Variants in ADAMTS17 observed in about 807,000 individuals in gnomAD.
ADAMTS17 encodes A disintegrin and metalloproteinase with thrombospondin motifs 17.
A neutral mutation model predicts 141.5 loss-of-function variants in ADAMTS17; 113 were observed. The ratio of observed to expected loss-of-function variants is 0.80; its 90% CI spans 0.69 to 0.93. ADAMTS17 has a LOEUF of 0.93. Ranked by LOEUF, ADAMTS17 falls within the 40% of genes least tolerant of loss-of-function variation. The pLI is 0.00. For synonymous variants in ADAMTS17, 768 were observed against 630.6 expected (o/e 1.22, Z -3.27); for missense variants, 1,659 against 1,517.9 (o/e 1.09, Z -1.54).
intron 10 of ADAMTS17, among the ~76,000 whole-genome samples, chr15:100,143,490 T>C (rs1379663428): frequency 6.6e-6 from 1 of 152,248 alleles, no homozygotes; most frequent in African/African-American, 2.4e-5. Context: ...TAACTTTATG[T>C]TTGGACTTTC....
In ADAMTS17 at chr15:100,259,779, T is replaced by C. The variant is rs186218812; in HGVS notation, c.1031+1700A>G. 3.2e-4 allele frequency among the ~76,000 whole-genome samples: 48 copies of C among 152,334 alleles called. No homozygotes were observed. In the East Asian group the frequency reaches 4.6e-3, roughly 15 times the overall value. On this transcript the variant is annotated intron_variant, in intron 6 of 21. Transcript: ENST00000268070. ...CTCAGGGCTGGCAATCGACGAACCA[T>C]CCACAAGAGTGAGCAGGCATCCATT...
At chr15:100,197,582 G>C (rs561431800) in intron 8 of ADAMTS17, among the ~76,000 whole-genome samples, 1 of 152,294 alleles carries the variant, frequency 6.6e-6, no homozygotes, top group South Asian at 2.1e-4. Flanking sequence ...ATTGTCGCCA[G>C]TATTTTTAAA....
chr15:100,103,275 C>T (rs140114758), intron 14 of ADAMTS17, among the ~76,000 whole-genome samples: 7 of 152,306 alleles, frequency 4.6e-5, no homozygotes, highest in Admixed American at 2.6e-4. Flanking sequence ...GCTGCAGGGT[C>T]ACGGTGCAGG....
intron 15 of ADAMTS17, among the ~76,000 whole-genome samples, chr15:100,083,653 T>C (rs896543581): frequency 1.3e-5 from 2 of 151,632 alleles, no homozygotes; most frequent in African/African-American, 4.9e-5. Context: ...TCCTGCAGGA[T>C]GTTTGGAGAG....
intron 18 of ADAMTS17, among the ~76,000 whole-genome samples, chr15:100,032,441 A>G (rs1353412059): frequency 6.6e-6 from 1 of 152,118 alleles, no homozygotes; most frequent in Non-Finnish European, 1.5e-5. Context: ...AAGCCAGAAA[A>G]CCAACTAACT....
At chr15:100,254,246 T>C in intron 6 of ADAMTS17, 67 bp from the exon 7 acceptor site, 1 of 1,401,858 alleles carries the variant, frequency 7.1e-7, no homozygotes, top group African/African-American at 1.4e-5. Context: ...GAAAACACTG[T>C]GAATTAACCT....
intron 6 of ADAMTS17, 123 bp from the exon 7 acceptor site, chr15:100,254,302 C>G: frequency 1.1e-6 from 1 of 881,022 alleles, no homozygotes; most frequent in Admixed American, 2.1e-5. Context: ...ACACAGGCCA[C>G]AGCGAATGAT....
At chr15:100,163,861 A>G (rs1366327465) in intron 8 of ADAMTS17, among the ~76,000 whole-genome samples, 1 of 152,158 alleles carries the variant, frequency 6.6e-6, no homozygotes, top group African/African-American at 2.4e-5. Flanking sequence ...GGCCACTACC[A>G]CTTTGTCTGA....
chr15:100,155,462 C>T, intron 8 of ADAMTS17, 142 bp from the exon 9 acceptor site: 1 of 1,148,456 alleles, frequency 8.7e-7, no homozygotes, highest in African/African-American at 1.5e-5. Flanking sequence ...ACACAGCAGA[C>T]CCACAGTCAT....
chr15:100,327,011 C>T (rs1382883104), intron 3 of ADAMTS17, among the ~76,000 whole-genome samples: 1 of 152,204 alleles, frequency 6.6e-6, no homozygotes, highest in African/African-American at 2.4e-5. Flanking sequence ...TCATTTCTGT[C>T]ATTTCCAACC....
chr15:99,973,789 A>T lies in ADAMTS17; in HGVS notation c.*613T>A, dbSNP rs1404108181. 5.4e-6 allele frequency: 1 copy of T among 183,920 alleles called. No homozygotes were observed. Among genetic ancestry groups the T allele is most frequent in the East Asian group, 1.4e-4 (1 of 7,126 alleles). 11.4% of individuals were successfully genotyped at this position (183,920 alleles called of 1,614,324 possible). A position where few individuals can be genotyped will look rare whatever the true frequency, so the allele number is the denominator to read the frequency against. ...GCTGGCATATATAGATTTACACTCC[A>T]CGCACGAGACTTCCAAGGCAACACC... On this transcript the variant is annotated 3_prime_UTR_variant, in exon 22 of 22. Transcript: ENST00000268070.
At chr15:100,063,668 TTG>T (rs759606749) in intron 15 of ADAMTS17, 1 of 1,289,818 alleles carries the variant, frequency 7.8e-7, no homozygotes, top group South Asian at 1.2e-5. Context: ...GTCAAGTCAT[TTG>T]TGTTTTACCC....
chr15:100,013,607 T>C (rs4965270), intron 18 of ADAMTS17, among the ~76,000 whole-genome samples: 1 of 152,228 alleles, frequency 6.6e-6, no homozygotes, highest in African/African-American at 2.4e-5. Context: ...ATGCGGGATT[T>C]TGTCAAATGC....
At chr15:100,155,421 CA>C (rs1348010060) in intron 8 of ADAMTS17, 101 bp from the exon 9 acceptor site, 2 of 1,501,890 alleles carry the variant, frequency 1.3e-6, no homozygotes, top group Admixed American at 3.9e-5. Context: ...GTCTTAAAAA[CA>C]AAAACGGACG....
chr15:100,251,169 T>C (rs946798721), intron 7 of ADAMTS17, among the ~76,000 whole-genome samples: 2 of 152,170 alleles, frequency 1.3e-5, no homozygotes, highest in South Asian at 4.1e-4. Flanking sequence ...GATCAGGAGA[T>C]AGGCTGGTTC....
chr15:100,015,007 G>C (rs1369482823), intron 18 of ADAMTS17, among the ~76,000 whole-genome samples: 1 of 152,060 alleles, frequency 6.6e-6, no homozygotes, highest in Admixed American at 6.5e-5. Context: ...TCATTTCTTA[G>C]GTCTATTAGT....
chr15:100,207,632 T>C (rs537324869), intron 7 of ADAMTS17, among the ~76,000 whole-genome samples: 38 of 152,262 alleles, frequency 2.5e-4, no homozygotes, highest in Middle Eastern at 3.4e-3. Context: ...ACAAAAACGC[T>C]TGGTAGAGAA....
intron 7 of ADAMTS17, among the ~76,000 whole-genome samples, chr15:100,228,134 T>G (rs1475039992): frequency 6.6e-6 from 1 of 152,166 alleles, no homozygotes; most frequent in Non-Finnish European, 1.5e-5. Context: ...CTTCAAGGCT[T>G]TCAGAAGGGG....
rs147419565 is a variant in ADAMTS17 at position 100,034,332 on chromosome 15, C to T, written c.2591+14525G>A. Among the ~76,000 whole-genome samples the T allele has an allele frequency of 2.2e-3, 337 of 152,380 alleles. 1 individual carries two copies. Among genetic ancestry groups the T allele is most frequent in the African/African-American group, 7.7e-3 (320 of 41,594 alleles). ...AGCACTTCCCTACCTGACATGCCCA[C>T]GGAATCCCCTTTCCCTCTAATCTTG... On this transcript the variant is annotated intron_variant, in intron 18 of 21. Transcript: ENST00000268070.
Sources: gnomAD v4.1 joint callset for allele counts (sites outside exome capture counted in the v4.1 genomes callset) on GRCh38, gnomAD v4.1.1 for gene constraint, MANE v1.5 for transcripts, NCBI Gene and HGNC (gene_info 2026-07-23, HGNC 2026-07-21) for gene names.